AK5: variants seen among roughly 807,000 people sequenced by gnomAD.
AK5 encodes adenylate kinase isoenzyme 5.
AK5 carries 27 observed loss-of-function variants against 69.5 expected under a neutral mutation model. The observed-to-expected ratio is 0.39, with a 90% confidence interval of 0.29 to 0.54. The LOEUF (loss-of-function observed/expected upper bound fraction) is 0.54. Ranked by LOEUF, AK5 falls within the 20% of genes least tolerant of loss-of-function variation. AK5 has a pLI of 0.71. For missense variants in AK5, 531 were observed against 700.4 expected, an observed-to-expected ratio of 0.76 and a Z score of 2.73; for synonymous variants, 260 against 244.4, an observed-to-expected ratio of 1.06 and a Z score of -0.60.
In AK5 at chr1:77,527,321, T is replaced by C. The variant is rs78512823; in HGVS notation, c.1428+5378T>C. Reference sequence around the variant, plus strand: ...CAGTTAGGGTGAGCTCAGAGCTCTATGCAGCCCATTGGTCTGTCCTCTGGC... The same window carrying C: ...CAGTTAGGGTGAGCTCAGAGCTCTACGCAGCCCATTGGTCTGTCCTCTGGC... On this transcript the variant is annotated intron_variant, in intron 12 of 13. Coordinates refer to ENST00000354567, the MANE Select transcript of AK5 (RefSeq NM_174858.3). 6.7e-3 allele frequency among the ~76,000 whole-genome samples: 1,015 copies of C among 152,340 alleles called. 13 individuals are homozygous for C. Among genetic ancestry groups the C allele is most frequent in the African/African-American group, 0.022 (934 of 41,578 alleles).
intron 6 of AK5, among the ~76,000 whole-genome samples, chr1:77,409,993 A>G (rs1347711646): frequency 6.6e-6 from 1 of 152,156 alleles, no homozygotes; most frequent in African/African-American, 2.4e-5. Context: ...TTTATTGAAT[A>G]GGGAGTCTTT....
At chr1:77,381,330 C>T (rs1189709879) in intron 6 of AK5, among the ~76,000 whole-genome samples, 3 of 152,146 alleles carry the variant, frequency 2.0e-5, no homozygotes, top group Non-Finnish European at 4.4e-5. Flanking sequence ...TTCTCCTCCA[C>T]CAGAACTGGG....
At chr1:77,547,119 G>A (rs182042600) in intron 13 of AK5, among the ~76,000 whole-genome samples, 26 of 152,284 alleles carry the variant, frequency 1.7e-4, no homozygotes, top group Admixed American at 7.8e-4. Context: ...GAAATAGAAT[G>A]TGGGCCACAT....
intron 10 of AK5, among the ~76,000 whole-genome samples, chr1:77,500,875 GTTTTTT>G (rs34578405): frequency 6.6e-6 from 1 of 151,262 alleles, no homozygotes; most frequent in Non-Finnish European, 1.5e-5. Context: ...GTTTTGTTTT[GTTTTTT>G]TTTATGTTCC....
chr1:77,427,132 G>GA (rs1334030653), intron 8 of AK5, among the ~76,000 whole-genome samples: 2 of 150,652 alleles, frequency 1.3e-5, no homozygotes, highest in East Asian at 1.9e-4. Context: ...GTAAGCCAAA[G>GA]AAAAAAAACT....
At chr1:77,376,707 G>A (rs1388029970) in intron 6 of AK5, among the ~76,000 whole-genome samples, 28 of 152,146 alleles carry the variant, frequency 1.8e-4, no homozygotes, top group Admixed American at 1.8e-3. Context: ...TTGGGAAGAC[G>A]AGGTGAGAGG....
intron 6 of AK5, among the ~76,000 whole-genome samples, chr1:77,401,644 A>G (rs1649223167): frequency 6.6e-6 from 1 of 152,192 alleles, no homozygotes; most frequent in Non-Finnish European, 1.5e-5. Flanking sequence ...AACATTGCTC[A>G]TTATGTGGCA....
Position 77,458,448 on chromosome 1 carries a change from C to T in AK5, c.1060-24869C>T, listed in dbSNP as rs185619150. ...TCCCTTTTGTAATGTAAAGTGTATT[C>T]GTCCATTTTCATGCTGCTGATAAAG... On this transcript the variant is annotated intron_variant, in intron 8 of 13. Coordinates refer to ENST00000354567, the MANE Select transcript of AK5 (RefSeq NM_174858.3). 3.9e-5 allele frequency among the ~76,000 whole-genome samples: 6 copies of T among 152,248 alleles called. No homozygotes were observed. In the East Asian group the frequency reaches 5.8e-4, roughly 15 times the overall value.
chr1:77,543,410 C>A (rs1227699928), intron 13 of AK5, among the ~76,000 whole-genome samples: 1 of 152,182 alleles, frequency 6.6e-6, no homozygotes, highest in Admixed American at 6.5e-5. Context: ...AGTTCAATTT[C>A]TCATTGAATA....
intron 5 of AK5, among the ~76,000 whole-genome samples, chr1:77,303,323 C>T (rs1320581543): frequency 1.3e-5 from 2 of 152,180 alleles, no homozygotes; most frequent in African/African-American, 4.8e-5. Context: ...TGTGCTATAT[C>T]TATTGATATT....
chr1:77,550,764 A>T (rs771475994), intron 13 of AK5, among the ~76,000 whole-genome samples: 5 of 152,268 alleles, frequency 3.3e-5, no homozygotes, highest in Admixed American at 1.3e-4. Flanking sequence ...GAGCAAAGAG[A>T]ATCTACTTTG....
At chr1:77,544,661 A>G (rs1182361020) in intron 13 of AK5, among the ~76,000 whole-genome samples, 1 of 151,918 alleles carries the variant, frequency 6.6e-6, no homozygotes, top group Non-Finnish European at 1.5e-5. Context: ...TATCTTGCCC[A>G]CTGGAAGGTC....
At chr1:77,513,605 C>T (rs1657472507) in intron 10 of AK5, among the ~76,000 whole-genome samples, 1 of 152,148 alleles carries the variant, frequency 6.6e-6, no homozygotes, top group African/African-American at 2.4e-5. Context: ...TTCGGGAGGC[C>T]GAGGTGGGCG....
chr1:77,290,429 A>G (rs1176846669), intron 2 of AK5, among the ~76,000 whole-genome samples: 1 of 152,238 alleles, frequency 6.6e-6, no homozygotes, highest in Non-Finnish European at 1.5e-5. Flanking sequence ...ATGAAAAATT[A>G]TTCTGTGAAA....
At chr1:77,352,364 A>G (rs1662256458) in intron 6 of AK5, among the ~76,000 whole-genome samples, 1 of 152,258 alleles carries the variant, frequency 6.6e-6, no homozygotes, top group African/African-American at 2.4e-5. Context: ...GTGTTTTAAA[A>G]TTAATGAAAG....
At chr1:77,525,001 G>A (rs1405186006) in intron 12 of AK5, among the ~76,000 whole-genome samples, 1 of 152,214 alleles carries the variant, frequency 6.6e-6, no homozygotes, top group African/African-American at 2.4e-5. Flanking sequence ...CTACCTACCA[G>A]GTTCAAGCAA....
At chr1:77,529,872 A>T (rs1557656648) in intron 12 of AK5, among the ~76,000 whole-genome samples, 1 of 152,190 alleles carries the variant, frequency 6.6e-6, no homozygotes, top group African/African-American at 2.4e-5. Flanking sequence ...AGTAGAATGC[A>T]TGGGTTTGCT....
intron 6 of AK5, among the ~76,000 whole-genome samples, chr1:77,371,868 A>C (rs1473692267): frequency 6.6e-6 from 1 of 152,206 alleles, no homozygotes; most frequent in East Asian, 1.9e-4. Flanking sequence ...AAGATCCATC[A>C]TGGGAGAAGG....
chr1:77,325,161 GT>G lies in AK5; in HGVS notation c.700-15201del, dbSNP rs369801549. 5.5e-3 allele frequency among the ~76,000 whole-genome samples: 681 copies of G among 123,164 alleles called. 4 individuals are homozygous for G. Among genetic ancestry groups the G allele is most frequent in the African/African-American group, 0.016 (560 of 34,206 alleles). The allele number at this position is 123,164 out of a possible 152,430, so 80.8% of individuals were successfully genotyped here. On this transcript the variant is annotated intron_variant, in intron 5 of 13. Transcript: ENST00000354567. ...CCTGGCTAATTTTTGTAGGTTTTTT[GT>G]TTTTTTTTTTTTTTGTATTTTGTAT...
Sources: allele counts gnomAD v4.1 joint callset (sites outside exome capture counted in the v4.1 genomes callset), GRCh38; gene constraint gnomAD v4.1.1; transcripts MANE v1.5; gene names NCBI Gene and HGNC (gene_info 2026-07-23, HGNC 2026-07-21).